LMLN: variants seen among roughly 807,000 people sequenced by gnomAD.
LMLN encodes leishmanolysin like peptidase.
A neutral mutation model predicts 92.3 loss-of-function variants in LMLN; 70 were observed. The observed-to-expected ratio is 0.76, with a 90% CI of 0.63 to 0.92. The LOEUF (loss-of-function observed/expected upper bound fraction) is 0.92, where lower values mean the gene tolerates loss of function less well. Ranked by LOEUF, LMLN falls within the 40% of genes least tolerant of loss-of-function variation. The pLI is 0.00. For synonymous variants in LMLN, 308 were observed against 296.2 expected, an observed-to-expected ratio of 1.04 and a Z score of -0.41; for missense variants, 691 against 814.6, an observed-to-expected ratio of 0.85 and a Z score of 1.85.
At chr3:197,988,481 C>CTTTT (rs67505779) in intron 8 of LMLN, among the ~76,000 whole-genome samples, 9 of 42,034 alleles carry the variant, frequency 2.1e-4, no homozygotes, top group African/African-American at 6.0e-4. Flanking sequence ...GGATTTACCC[C>CTTTT]TTTTTTTTTT....
chr3:197,963,413 A>G (rs547482031), intron 1 of LMLN, among the ~76,000 whole-genome samples: 4 of 151,264 alleles, frequency 2.6e-5, no homozygotes, highest in African/African-American at 9.7e-5. Context: ...TGGGTTTTGA[A>G]CTCCTGGCCT....
rs1226582049 is a variant in LMLN, at chr3:198,042,332, A to T, written c.*3665A>T. 3 of 152,100 alleles carry T rather than the reference A, an allele frequency of 2.0e-5. No homozygotes were observed. The highest frequency in any genetic ancestry group is 7.2e-5 in the African/African-American group (3 of 41,400). 9.4% of individuals were successfully genotyped at this position (152,100 alleles called of 1,614,324 possible). A position where few individuals can be genotyped will look rare whatever the true frequency, so the allele number is the denominator to read the frequency against. On this transcript the variant is annotated 3_prime_UTR_variant, in exon 16 of 16. Coordinates refer to ENST00000330198, the Ensembl canonical transcript of LMLN. This position sits in a 1 kb window ranked among gnomAD's most constrained non-coding sequence, Gnocchi z 4.2. ...CACGAGATCAGGAGTTTGAGGTTAC[A>T]GTGAGCTGATCGCACCACTGCACTG...
rs112007579 is a variant in LMLN at position 197,980,216 on chromosome 3, T to C, written c.550-110T>C. ...GATTTTGATAAAAGTTTAGGGATAA[T>C]AAAGATTAAATTGTACTGTGTTTAT... On this transcript the variant is annotated intron_variant, in intron 5 of 15. Coordinates refer to ENST00000330198, the Ensembl canonical transcript of LMLN. The C allele has an allele frequency of 8.4e-5, 72 of 856,370 alleles. No homozygotes were observed. The African/African-American group carries it at 1.1e-3, about 13-fold the overall frequency. 53.0% of individuals were successfully genotyped at this position (856,370 alleles called of 1,614,324 possible). A position where few individuals can be genotyped will look rare whatever the true frequency, so the allele number is the denominator to read the frequency against.
intron 10 of LMLN, chr3:197,996,641 T>C (rs1441201127): frequency 1.3e-5 from 2 of 155,992 alleles, no homozygotes; most frequent in African/African-American, 4.8e-5. Flanking sequence ...ATAACAAGAC[T>C]TGTGGGAAAA....
intron 11 of LMLN, among the ~76,000 whole-genome samples, chr3:198,006,408 T>C (rs558092412): frequency 1.3e-5 from 2 of 152,342 alleles, no homozygotes; most frequent in South Asian, 2.1e-4. Context: ...TGTGAACATA[T>C]ATCTTTATTT....
At chr3:197,978,184 C>CA (rs199796074) in intron 5 of LMLN, among the ~76,000 whole-genome samples, 2 of 150,452 alleles carry the variant, frequency 1.3e-5, no homozygotes, top group African/African-American at 4.9e-5. Context: ...AATCATCAAA[C>CA]ATCTGGAAGT....
rs1004794630 is a variant in LMLN at position 197,973,356 on chromosome 3, C to T, written c.220-1021C>T. Among the ~76,000 whole-genome samples, 5 of 152,044 alleles carry T rather than the reference C, an allele frequency of 3.3e-5. No individual in the cohort carries two copies. In the East Asian group the frequency reaches 7.7e-4, roughly 23 times the overall value. ...TCCTGGGTTCTAGCAATTCTCCTGC[C>T]TCACCCTCCCAAGTAGCTGGGACTA... On this transcript the variant is annotated intron_variant, in intron 1 of 15. Transcript: ENST00000330198.
At chr3:197,974,496 C>A in intron 2 of LMLN, 22 bp downstream of exon 2, 2 of 1,128,116 alleles carry the variant, frequency 1.8e-6, no homozygotes, top group South Asian at 3.0e-5. Flanking sequence ...ATTGTATTGT[C>A]ATCTTTTTCA....
At chr3:197,965,099 C>G (rs115125255) in intron 1 of LMLN, among the ~76,000 whole-genome samples, 1 of 152,086 alleles carries the variant, frequency 6.6e-6, no homozygotes, top group Admixed American at 6.5e-5. Context: ...ACTGCCACCT[C>G]GAACTCCTGT....
intron 11 of LMLN, 66 bp downstream of exon 12, chr3:198,003,191 T>C: frequency 1.0e-6 from 1 of 965,992 alleles, no homozygotes; most frequent in Non-Finnish European, 1.6e-6. Flanking sequence ...TTCTTTATCC[T>C]GAGCCTAAAA....
At chr3:197,993,601 T>G (rs1486954749) in intron 9 of LMLN, among the ~76,000 whole-genome samples, 3 of 151,890 alleles carry the variant, frequency 2.0e-5, no homozygotes, top group Admixed American at 6.6e-5. Flanking sequence ...ACAATAAATA[T>G]AAAGGTATCC....
chr3:198,014,269 T>C (rs1465873776), intron 11 of LMLN, among the ~76,000 whole-genome samples: 1 of 143,094 alleles, frequency 7.0e-6, no homozygotes, highest in Non-Finnish European at 1.5e-5. Context: ...CTAGTCTGAC[T>C]TCTCTCCACC....
chr3:197,996,315 T>C, intron 10 of LMLN, 33 bp downstream of exon 10: 1 of 1,288,936 alleles, frequency 7.8e-7, no homozygotes, highest in Non-Finnish European at 1.1e-6. Context: ...CTAGACTTTA[T>C]TTAATGAAAA....
intron 9 of LMLN, among the ~76,000 whole-genome samples, chr3:197,992,737 C>T (rs1721910615): frequency 6.6e-6 from 1 of 152,094 alleles, no homozygotes; most frequent in Non-Finnish European, 1.5e-5. Flanking sequence ...CCTTCTCAAA[C>T]TTTTCCAAAA....
chr3:197,979,211 G>A (rs1322222453), intron 5 of LMLN, among the ~76,000 whole-genome samples: 1 of 152,106 alleles, frequency 6.6e-6, no homozygotes, highest in Admixed American at 6.5e-5. Context: ...TAAACAATGT[G>A]TATTTTCTAT....
At position 197,989,895 on chromosome 3, in the gene LMLN, G is replaced by A. The variant is rs148034442; in HGVS notation, c.930-664G>A. On this transcript the variant is annotated intron_variant, in intron 8 of 15. Coordinates refer to ENST00000330198, the Ensembl canonical transcript of LMLN. ...AAATAAATTGAAAAAAATTTTTCTG[G>A]ACTGGATTTCATTCTGTCACCCAGG... Among the ~76,000 whole-genome samples, 226 of 152,242 alleles carry A rather than the reference G, an allele frequency of 1.5e-3. 2 individuals carry two copies. The highest frequency in any genetic ancestry group is 0.014 in the Middle Eastern group (4 of 294).
chr3:197,976,668 G>C (rs141734567), exon 5 of LMLN: 2 of 1,590,294 alleles, frequency 1.3e-6, no homozygotes, highest in Admixed American at 1.7e-5. Flanking sequence ...GGAGTGTGCC[G>C]CACACACAAA....
At chr3:198,010,030 T>G (rs991500139) in intron 11 of LMLN, among the ~76,000 whole-genome samples, 2 of 152,224 alleles carry the variant, frequency 1.3e-5, no homozygotes, top group Non-Finnish European at 2.9e-5. Context: ...TTTACTGATC[T>G]TAAAGAACCA....
chr3:198,041,149 G>C (rs1269824754), exon 16 of LMLN: 1 of 152,192 alleles, frequency 6.6e-6, no homozygotes, highest in African/African-American at 2.4e-5. Context: ...CCAGCACAGA[G>C]GAAAGTCGCT....
Sources: gnomAD v4.1 joint callset for allele counts (sites outside exome capture counted in the v4.1 genomes callset) on GRCh38, gnomAD v4.1.1 for gene constraint, Gnocchi (gnomAD v3.1) non-coding constraint, MANE v1.5 for transcripts, NCBI Gene and HGNC (gene_info 2026-07-23, HGNC 2026-07-21) for gene names.